Variants in DCC observed in about 807,000 individuals in gnomAD.
DCC encodes netrin receptor DCC.
A neutral mutation model predicts 172.5 loss-of-function variants in DCC; 58 were observed. The observed-to-expected ratio is 0.34, with a 90% CI of 0.27 to 0.42. The LOEUF is 0.42. Among genes scored for constraint, DCC ranks in the 10% least tolerant of loss-of-function variants. The pLI is 1.00. For missense variants in DCC, 1,740 were observed against 1,791.0 expected, an observed-to-expected ratio of 0.97 and a Z score of 0.51; for synonymous variants, 709 against 644.5, an observed-to-expected ratio of 1.10 and a Z score of -1.52.
At chr18:52,518,990 T>G (rs2031726907) in intron 1 of DCC, among the ~76,000 whole-genome samples, 2 of 152,188 alleles carry the variant, frequency 1.3e-5, no homozygotes. Context: ...GTCCTCTGAG[T>G]TGAAACAGTT....
rs117281079 is a variant in DCC at position 52,496,984 on chromosome 18, G to T, written c.91+156106G>T. ...GAAAAAAATTATGACCAGGCATGGT[G>T]GTTCACACCTGTAAATCACAGCACT... On this transcript the variant is annotated intron_variant, in intron 1 of 28. Coordinates refer to ENST00000442544, the MANE Select transcript of DCC (RefSeq NM_005215.4). 5.8e-3 allele frequency among the ~76,000 whole-genome samples: 875 copies of T among 151,840 alleles called. 15 individuals are homozygous for T. The highest frequency in any genetic ancestry group is 0.045 in the South Asian group (216 of 4,798).
intron 5 of DCC, among the ~76,000 whole-genome samples, chr18:52,936,515 T>A (rs555604131): frequency 8.2e-6 from 1 of 121,934 alleles, no homozygotes; most frequent in African/African-American, 2.8e-5. Context: ...ATTATTGAGA[T>A]GATGATGAGT....
At chr18:52,815,882 A>G (rs776690569) in intron 2 of DCC, among the ~76,000 whole-genome samples, 5 of 152,212 alleles carry the variant, frequency 3.3e-5, no homozygotes, top group Non-Finnish European at 7.3e-5. Flanking sequence ...ATTACATGGA[A>G]TGACAGAATG....
chr18:52,447,014 T>A (rs1045250769), intron 1 of DCC, among the ~76,000 whole-genome samples: 1 of 152,222 alleles, frequency 6.6e-6, no homozygotes, highest in Non-Finnish European at 1.5e-5. Flanking sequence ...GTTATACTCT[T>A]CCACAGTAAT....
At chr18:53,391,604 T>G in intron 16 of DCC, 51 bp from the exon 17 acceptor site, 1 of 1,201,476 alleles carries the variant, frequency 8.3e-7, no homozygotes, top group Non-Finnish European at 1.2e-6. Context: ...TTTTAACGCT[T>G]TTATTTACGT....
chr18:52,440,751 A>C (rs145749171), intron 1 of DCC, among the ~76,000 whole-genome samples: 2 of 152,350 alleles, frequency 1.3e-5, no homozygotes, highest in East Asian at 3.9e-4. Flanking sequence ...TGGGGAAATC[A>C]GTCATTTTCT....
At chr18:53,261,101 C>T (rs2056592651) in intron 12 of DCC, among the ~76,000 whole-genome samples, 1 of 152,162 alleles carries the variant, frequency 6.6e-6, no homozygotes. Context: ...TGCCATCTCT[C>T]ACCCCTTTCT....
At chr18:52,539,090 G>T (rs1452520920) in intron 1 of DCC, among the ~76,000 whole-genome samples, 1 of 152,178 alleles carries the variant, frequency 6.6e-6, no homozygotes, top group Non-Finnish European at 1.5e-5. Flanking sequence ...ATGTTTGTTA[G>T]AACATGAACT....
intron 15 of DCC, among the ~76,000 whole-genome samples, chr18:53,374,095 T>C (rs1373103214): frequency 6.6e-6 from 1 of 152,218 alleles, no homozygotes; most frequent in East Asian, 1.9e-4. Context: ...AGAGCTTTTA[T>C]GTAGGTGTGC....
intron 15 of DCC, among the ~76,000 whole-genome samples, chr18:53,383,996 C>A (rs1333669565): frequency 6.6e-6 from 1 of 151,964 alleles, no homozygotes; most frequent in Non-Finnish European, 1.5e-5. Flanking sequence ...TATGATTGTA[C>A]CATATCTATA....
chr18:52,560,218 G>A (rs1314189835), intron 1 of DCC, among the ~76,000 whole-genome samples: 2 of 152,272 alleles, frequency 1.3e-5, no homozygotes, highest in Non-Finnish European at 2.9e-5. Context: ...TCTGTCGCAG[G>A]AAAGCAGCCA....
intron 5 of DCC, among the ~76,000 whole-genome samples, chr18:53,058,330 A>C (rs1184253496): frequency 1.3e-5 from 2 of 152,182 alleles, no homozygotes; most frequent in Admixed American, 6.6e-5. Flanking sequence ...TGAGTTATTA[A>C]ATATAAAGTT....
At chr18:52,658,760 T>TA (rs910916299) in intron 1 of DCC, among the ~76,000 whole-genome samples, 26 of 151,290 alleles carry the variant, frequency 1.7e-4, no homozygotes, top group African/African-American at 3.1e-4. Context: ...GGAAAATATT[T>TA]AAAAAAAAAT....
chr18:53,180,943 T>C (rs940738347), intron 9 of DCC, among the ~76,000 whole-genome samples: 1 of 152,182 alleles, frequency 6.6e-6, no homozygotes, highest in African/African-American at 2.4e-5. Flanking sequence ...CTTTATTGAC[T>C]TTCTCTTCAT....
intron 2 of DCC, among the ~76,000 whole-genome samples, chr18:52,877,041 T>C (rs147984284): frequency 0.015 from 2,304 of 152,322 alleles, 42 homozygotes; most frequent in African/African-American, 0.039. Context: ...ATACTAAAAA[T>C]GTATTCATTG....
chr18:53,131,809 T>C (rs189563347), intron 7 of DCC, among the ~76,000 whole-genome samples: 107 of 152,092 alleles, frequency 7.0e-4, no homozygotes, highest in Non-Finnish European at 1.2e-3. Flanking sequence ...GAGAAAATCA[T>C]AGGTAGGTAG....
chr18:53,213,698 A>T (rs1035829431), intron 11 of DCC, among the ~76,000 whole-genome samples: 17 of 149,770 alleles, frequency 1.1e-4, no homozygotes, highest in African/African-American at 2.4e-4. Flanking sequence ...ATCACTTAAT[A>T]TTAAGACATT....
intron 5 of DCC, among the ~76,000 whole-genome samples, chr18:52,995,483 TTG>T (rs2041463076): frequency 1.4e-5 from 1 of 73,014 alleles, no homozygotes; most frequent in Admixed American, 1.2e-4. Context: ...AGAAAGTTTT[TTG>T]TTTTTTTTTT....
At chr18:52,544,106 G>A (rs2032543501) in intron 1 of DCC, among the ~76,000 whole-genome samples, 1 of 152,182 alleles carries the variant, frequency 6.6e-6, no homozygotes, top group African/African-American at 2.4e-5. Flanking sequence ...CTGTTGTTCT[G>A]AGGGACAGGA....
Sources: gnomAD v4.1 joint callset for allele counts (sites outside exome capture counted in the v4.1 genomes callset) on GRCh38, gnomAD v4.1.1 for gene constraint, MANE v1.5 for transcripts, NCBI Gene and HGNC (gene_info 2026-07-23, HGNC 2026-07-21) for gene names.